Variants in UGT2B4 observed in about 807,000 individuals in gnomAD.
UGT2B4 encodes the protein UDP-glucuronosyltransferase 2B4.
Under a neutral mutation model 49.8 loss-of-function variants are expected in UGT2B4, and 49 were observed. The observed-to-expected ratio is 0.98, with a 90% CI of 0.78 to 1.25. The LOEUF is 1.25. UGT2B4 is among the 50% of genes most tolerant of loss of function. The probability of loss-of-function intolerance (pLI) is 0.00; values close to 1 mark genes in which losing one functional copy is unlikely to be tolerated. For synonymous variants in UGT2B4, 246 were observed against 217.7 expected, an observed-to-expected ratio of 1.13 and a Z score of -1.14; for missense variants, 729 against 627.7, an observed-to-expected ratio of 1.16 and a Z score of -1.73.
At chr4:69,507,466 A>G (rs1427407622) in intron 1 of UGT2B4, among the ~76,000 whole-genome samples, 1 of 152,172 alleles carries the variant, frequency 6.6e-6, no homozygotes, top group Non-Finnish European at 1.5e-5. Flanking sequence ...ACTCTCATTC[A>G]CAGTTGCCAC....
chr4:69,499,048 T>C (rs949553907), upstream of UGT2B4, among the ~76,000 whole-genome samples: 1 of 152,136 alleles, frequency 6.6e-6, no homozygotes, highest in Non-Finnish European at 1.5e-5. Context: ...ATCTCAGAGA[T>C]TCTGTTATAT....
intron 1 of UGT2B4, among the ~76,000 whole-genome samples, chr4:69,520,006 G>A (rs915164670): frequency 2.0e-5 from 3 of 151,986 alleles, no homozygotes; most frequent in Non-Finnish European, 4.4e-5. Context: ...ATAAACACAA[G>A]TAGCTATAAA....
At chr4:69,525,548 T>G (rs950497285) in intron 1 of UGT2B4, 2 of 240,958 alleles carry the variant, frequency 8.3e-6, no homozygotes, top group African/African-American at 2.3e-5. Context: ...TAAATAATTA[T>G]AAATTTTTGG....
At chr4:69,481,660 T>C (rs1727595135) in intron 5 of UGT2B4, among the ~76,000 whole-genome samples, 1 of 152,210 alleles carries the variant, frequency 6.6e-6, no homozygotes, top group South Asian at 2.1e-4. Flanking sequence ...CTTTGTGTTA[T>C]GAAATATCCA....
chr4:69,524,234 G>T (rs1398877011), intron 1 of UGT2B4, among the ~76,000 whole-genome samples: 1 of 152,122 alleles, frequency 6.6e-6, no homozygotes, highest in Non-Finnish European at 1.5e-5. Context: ...CTAGATTTCA[G>T]CCTATCTCAG....
At chr4:69,497,699 G>C (rs1167883493), upstream of UGT2B4, among the ~76,000 whole-genome samples, 1 of 152,116 alleles carries the variant, frequency 6.6e-6, no homozygotes, top group Non-Finnish European at 1.5e-5. Flanking sequence ...ATCTACTCCT[G>C]GTGAAGATTA....
In UGT2B4 at chr4:69,495,364, T is replaced by C; in HGVS notation, c.498A>G (p.Ile166Met). 1 of 1,613,800 alleles carries C rather than the reference T, an allele frequency of 6.2e-7. No individual in the cohort carries two copies. Among genetic ancestry groups the C allele is most frequent in the South Asian group, 1.1e-5 (1 of 91,028 alleles). Residue 166 changes from isoleucine (I) to methionine (M), a missense_variant, in exon 1 of 6, where the codon ATA becomes ATG. Physicochemically the swap from Ile to Met is conservative, Grantham distance 10. Coordinates refer to ENST00000305107, the MANE Select transcript of UGT2B4 (RefSeq NM_021139.3). ...FGELLAELLKIPFVYSLRFSP... is the reference protein window; with the variant it reads ...FGELLAELLKMPFVYSLRFSP... The stretch of plus-strand genomic sequence containing the variant: ...AGAAGCGGAGGCTGTAGACAAAGGG[T>C]ATTTTAAGTAACTCGGCCAGCAGCT...
In UGT2B4 at chr4:69,480,399, A is replaced by G. The variant is rs1727547283; in HGVS notation, c.*235T>C. On this transcript the variant is annotated 3_prime_UTR_variant, in exon 6 of 6. Transcript: ENST00000305107. ...TTCAATATAAGCTCAATACATTTCA[A>G]TATAACCTCATATGGCTTTATATCA... The G allele has an allele frequency of 2.0e-6, 1 of 504,714 alleles. No homozygotes were observed. The highest frequency in any genetic ancestry group is 3.4e-6 in the Non-Finnish European group (1 of 297,790). The allele number at this position is 504,714 out of a possible 1,614,324, so 31.3% of individuals were successfully genotyped here.
upstream of UGT2B4, among the ~76,000 whole-genome samples, chr4:69,500,590 C>CAAGAAAGCAAGCAAGA (rs1399741309): frequency 2.0e-4 from 12 of 61,074 alleles, no homozygotes; most frequent in South Asian, 1.7e-3. Context: ...AGCAAGAAAG[C>CAAGAAAGCAAGCAAGA]AAGCAAGAAA....
rs369510004 is a variant in UGT2B4 at position 69,520,474 on chromosome 4, A to T, written c.-106+5213T>A. ...GCTGCAGCTGCCCAGCTGTGGCTAC[A>T]GACTTGGGCATCCCTGTATTCATGG... is the stretch of plus-strand genomic sequence containing the variant. On this transcript the variant is annotated intron_variant, in intron 1 of 1. Coordinates refer to the UGT2B4 transcript ENST00000510114. Among the ~76,000 whole-genome samples the T allele has an allele frequency of 2.6e-5, 4 of 152,322 alleles. No homozygotes were observed. In the South Asian group the frequency reaches 8.3e-4, roughly 32 times the overall value.
chr4:69,499,229 T>A (rs1432199889), upstream of UGT2B4, among the ~76,000 whole-genome samples: 1 of 152,184 alleles, frequency 6.6e-6, no homozygotes, highest in Non-Finnish European at 1.5e-5. Context: ...TCGGAGACAC[T>A]GCTTATTATG....
intron 1 of UGT2B4, among the ~76,000 whole-genome samples, chr4:69,512,218 G>A (rs1168384817): frequency 2.0e-5 from 3 of 151,298 alleles, no homozygotes; most frequent in Admixed American, 1.3e-4. Flanking sequence ...GCTCTTTTAT[G>A]TGTAATGTTA....
At chr4:69,487,750 A>C (rs1376428220) in intron 3 of UGT2B4, among the ~76,000 whole-genome samples, 8 of 152,128 alleles carry the variant, frequency 5.3e-5, no homozygotes, top group Admixed American at 5.2e-4. Context: ...AAAAGTTAAA[A>C]AATAAAACTT....
chr4:69,492,764 C>T (rs1439274728), intron 2 of UGT2B4, among the ~76,000 whole-genome samples: 5 of 152,004 alleles, frequency 3.3e-5, no homozygotes, highest in African/African-American at 1.2e-4. Flanking sequence ...CCACACAACA[C>T]AATATGAAGT....
At chr4:69,519,286 A>C (rs549201858) in intron 1 of UGT2B4, among the ~76,000 whole-genome samples, 13 of 152,376 alleles carry the variant, frequency 8.5e-5, no homozygotes, top group African/African-American at 3.1e-4. Flanking sequence ...AATGACAAAA[A>C]GATTAAAAAT....
At chr4:69,504,794 A>C (rs2109823501) in intron 1 of UGT2B4, among the ~76,000 whole-genome samples, 1 of 152,222 alleles carries the variant, frequency 6.6e-6, no homozygotes, top group South Asian at 2.1e-4. Flanking sequence ...CAAGACACAA[A>C]ATTATCAGAT....
intron 1 of UGT2B4, among the ~76,000 whole-genome samples, chr4:69,504,044 G>T (rs1446269398): frequency 3.9e-5 from 6 of 151,994 alleles, no homozygotes; most frequent in Non-Finnish European, 8.8e-5. Context: ...AACCCTCAAG[G>T]TAATTAAATA....
chr4:69,487,575 T>C (rs1355639502), intron 3 of UGT2B4, among the ~76,000 whole-genome samples: 1 of 151,676 alleles, frequency 6.6e-6, no homozygotes, highest in Non-Finnish European at 1.5e-5. Context: ...AGGAATAACA[T>C]ACACTGGGGC....
intron 1 of UGT2B4, chr4:69,525,605 G>T: frequency 1.1e-6 from 1 of 872,320 alleles, no homozygotes; most frequent in Non-Finnish European, 1.5e-6. Flanking sequence ...ATATGGGTTA[G>T]ACAATAGATT....
Sources: gnomAD v4.1 joint callset for allele counts (sites outside exome capture counted in the v4.1 genomes callset) on GRCh38, gnomAD v4.1.1 for gene constraint, MANE v1.5 for transcripts, NCBI Gene and HGNC (gene_info 2026-07-23, HGNC 2026-07-21) for gene names.